Variants in B4GALT4 observed in about 807,000 individuals in gnomAD.
The protein encoded by B4GALT4 is beta-1,4-galactosyltransferase 4.
B4GALT4 carries 27 observed loss-of-function variants against 37.3 expected under a neutral mutation model. That is an observed-to-expected ratio of 0.72 (90% CI 0.53 to 1.00). B4GALT4 has a LOEUF of 1.00. Ranked by LOEUF, B4GALT4 falls within the 50% of genes least tolerant of loss-of-function variation. B4GALT4 has a pLI of 0.00. For synonymous variants in B4GALT4, 148 were observed against 154.1 expected, an observed-to-expected ratio of 0.96 and a Z score of 0.29; for missense variants, 372 against 413.1, an observed-to-expected ratio of 0.90 and a Z score of 0.86.
Position 119,230,133 on chromosome 3 carries a change from G to A in B4GALT4, c.-34C>T, listed in dbSNP as rs1576925861. The A allele has an allele frequency of 6.2e-7, 1 of 1,608,262 alleles. No homozygotes were observed. Among genetic ancestry groups the A allele is most frequent in the African/African-American group, 1.3e-5 (1 of 74,810 alleles). On this transcript the variant is annotated 5_prime_UTR_variant, in exon 3 of 8. Transcript: ENST00000393765. The stretch of plus-strand genomic sequence containing the variant: ...TTACGTGAATAATATCTATCTCTCT[G>A]CTTCACTGCAGGCAAGAAAGCTTCA...
In B4GALT4 at chr3:119,224,086, C is replaced by G; in HGVS notation, c.646G>C (p.Val216Leu). The G allele has an allele frequency of 6.2e-7, 1 of 1,613,772 alleles. No homozygotes were observed. Among genetic ancestry groups the G allele is most frequent in the Admixed American group, 1.7e-5 (1 of 59,928 alleles). Residue 216 changes from valine (V) to leucine (L), a missense_variant, in exon 5 of 8, where the codon GTG becomes CTG. Coordinates refer to ENST00000393765, the MANE Select transcript of B4GALT4 (RefSeq NM_003778.4). ...YKCEEHPKHL[V>L]VGRNSTGYRL... is the part of the protein sequence containing the mutation. ...TACCCAGTGCTGTTCCTGCCAACCA[C>G]CAGATGCTTGGGATGCTCCTCACAC...
chr3:119,218,263 A>G (rs910929661), intron 6 of B4GALT4, among the ~76,000 whole-genome samples: 5 of 152,182 alleles, frequency 3.3e-5, no homozygotes, highest in Non-Finnish European at 7.4e-5. Flanking sequence ...CACTCCCTGC[A>G]GGGGGACACT....
At chr3:119,227,475 G>A (rs2078660405) in intron 3 of B4GALT4, among the ~76,000 whole-genome samples, 1 of 152,118 alleles carries the variant, frequency 6.6e-6, no homozygotes, top group Admixed American at 6.5e-5. Flanking sequence ...TCCTGGACAA[G>A]GCACTCTTCC....
chr3:119,217,803 A>T (rs2078333040), intron 6 of B4GALT4, among the ~76,000 whole-genome samples: 2 of 144,704 alleles, frequency 1.4e-5, no homozygotes, highest in Admixed American at 1.4e-4. Context: ...AGATCACGTC[A>T]CTGCACTCCA....
chr3:119,225,921 G>A (rs765356831), intron 4 of B4GALT4, among the ~76,000 whole-genome samples: 6 of 152,168 alleles, frequency 3.9e-5, no homozygotes, highest in Non-Finnish European at 5.9e-5. Context: ...TGATTTTCAA[G>A]AGCCTCAGTT....
chr3:119,216,532 A>G (rs952413729), intron 6 of B4GALT4, among the ~76,000 whole-genome samples, 188 bp from the exon 7 acceptor site: 3 of 152,154 alleles, frequency 2.0e-5, no homozygotes, highest in Non-Finnish European at 4.4e-5. Flanking sequence ...AAAATTTCCA[A>G]TTTCTTATAA....
chr3:119,234,173 A>C (rs907498245), intron 2 of B4GALT4, among the ~76,000 whole-genome samples: 4 of 151,674 alleles, frequency 2.6e-5, no homozygotes, highest in East Asian at 1.9e-4. Flanking sequence ...GCCGGAGTGC[A>C]GTGGTGTGAT....
rs768853427 is a variant in B4GALT4 at position 119,218,789 on chromosome 3, G to A, written c.675-17C>T. On this transcript the variant is annotated splice_polypyrimidine_tract_variant and intron_variant, in intron 5 of 7. Transcript: ENST00000393765. The stretch of plus-strand genomic sequence containing the variant: ...TAACGTAACCTGGAGCAAAAGAGAT[G>A]AGAGAAATGGTAAGAATATTCGCAC... The A allele has an allele frequency of 5.0e-6, 8 of 1,613,692 alleles. No individual in the cohort carries two copies. Among genetic ancestry groups the A allele is most frequent in the African/African-American group, 2.7e-5 (2 of 74,916 alleles).
In B4GALT4 at chr3:119,229,873, T is replaced by C; in HGVS notation, c.227A>G (p.Asn76Ser). The change falls in exon 3 of 8, where the codon AAC (asparagine) becomes AGC (serine). Residue 76 changes from asparagine (N) to serine (S), a missense_variant. Asn to Ser is a conservative substitution (Grantham distance 46). Coordinates refer to ENST00000393765, the MANE Select transcript of B4GALT4 (RefSeq NM_003778.4). ...EASTKKVELD[N>S]CPSVSPYLRG... The stretch of plus-strand genomic sequence containing the variant: ...GAGGTAAGGAGACACAGAAGGGCAG[T>C]TGTCAAGTTCTACCTTCTTCGTGGA... 1 of 1,614,092 alleles carries C rather than the reference T, an allele frequency of 6.2e-7. No individual in the cohort carries two copies. The highest frequency in any genetic ancestry group is 1.1e-5 in the South Asian group (1 of 91,072).
At chr3:119,224,807 CTCA>C (rs751361662) in intron 4 of B4GALT4, among the ~76,000 whole-genome samples, 6 of 152,104 alleles carry the variant, frequency 3.9e-5, no homozygotes, top group Non-Finnish European at 7.4e-5. Context: ...GAGTATAGCT[CTCA>C]TGTTAAATAT....
At chr3:119,217,006 T>A (rs2107466033) in intron 6 of B4GALT4, among the ~76,000 whole-genome samples, 1 of 152,374 alleles carries the variant, frequency 6.6e-6, no homozygotes, top group East Asian at 1.9e-4. Flanking sequence ...CACAGGCGAA[T>A]AAATAAGCAG....
chr3:119,224,354 G>C, intron 4 of B4GALT4, 109 bp from the exon 5 acceptor site: 1 of 681,618 alleles, frequency 1.5e-6, no homozygotes, highest in South Asian at 3.4e-5. Context: ...TTCTACGCAC[G>C]AGACTACACT....
At chr3:119,232,827 G>T (rs1216267194) in intron 2 of B4GALT4, among the ~76,000 whole-genome samples, 1 of 151,862 alleles carries the variant, frequency 6.6e-6, no homozygotes, top group Non-Finnish European at 1.5e-5. Context: ...TTTATTTTTT[G>T]AGACAGGGTC....
chr3:119,216,412 T>A, intron 6 of B4GALT4, 68 bp from the exon 7 acceptor site: 1 of 1,244,940 alleles, frequency 8.0e-7, no homozygotes, highest in Non-Finnish European at 1.1e-6. Flanking sequence ...ATAAAAAGCA[T>A]CATTTGCGAA....
chr3:119,219,482 G>A (rs1326178125), intron 5 of B4GALT4, among the ~76,000 whole-genome samples: 1 of 152,256 alleles, frequency 6.6e-6, no homozygotes, highest in Non-Finnish European at 1.5e-5. Context: ...ATACACCTGG[G>A]GCTTTGCCAG....
chr3:119,229,697 TATTTA>T, intron 3 of B4GALT4, 145 bp downstream of exon 3: 1 of 878,458 alleles, frequency 1.1e-6, no homozygotes, highest in Non-Finnish European at 1.7e-6. Context: ...GTACATGTTA[TATTTA>T]TTTTATTTGA....
Position 119,226,974 on chromosome 3 carries a change from T to G in B4GALT4, c.321A>C (p.Lys107Asn). The change falls in exon 4 of 8, where the codon AAA becomes AAC. Residue 107 changes from lysine to asparagine, a missense_variant. By Grantham distance (94) the Lys-to-Asn change is moderately conservative (BLOSUM62 0). Transcript: ENST00000393765. Reference sequence around the variant, plus strand: ...GAGGGCGATACCGGCCTCTGGACACTTTGGGATTTTCTGCCTGTACCTCTT... The same window carrying G: ...GAGGGCGATACCGGCCTCTGGACACGTTGGGATTTTCTGCCTGTACCTCTT... Reference protein sequence around the residue: ...TLEEVQAENPKVSRGRYRPQE... With the variant: ...TLEEVQAENPNVSRGRYRPQE... 1.2e-6 allele frequency: 2 copies of G among 1,614,172 alleles called. No individual in the cohort carries two copies. The highest frequency in any genetic ancestry group is 1.1e-5 in the South Asian group (1 of 91,082).
chr3:119,240,557 T>C (rs915157981), intron 1 of B4GALT4: 1 of 152,204 alleles, frequency 6.6e-6, no homozygotes, highest in Non-Finnish European at 1.5e-5. Flanking sequence ...CCCTGGATTT[T>C]TTCCTACCCG....
chr3:119,228,085 A>C (rs1486657934), intron 3 of B4GALT4, among the ~76,000 whole-genome samples: 1 of 152,218 alleles, frequency 6.6e-6, no homozygotes, highest in African/African-American at 2.4e-5. Context: ...ACAGATGACA[A>C]CTACTAGAGC....
Sources: gnomAD v4.1 joint callset for allele counts (sites outside exome capture counted in the v4.1 genomes callset) on GRCh38, gnomAD v4.1.1 for gene constraint, MANE v1.5 for transcripts, NCBI Gene and HGNC (gene_info 2026-07-23, HGNC 2026-07-21) for gene names.